SLC8A1: variants seen among roughly 807,000 people sequenced by gnomAD.
SLC8A1 encodes the protein solute carrier family 8 member A1.
SLC8A1 carries 18 observed loss-of-function variants against 68.3 expected under a neutral mutation model. That is an observed-to-expected ratio of 0.26 (90% CI 0.18 to 0.39). The LOEUF (loss-of-function observed/expected upper bound fraction) is 0.39, where lower values mean the gene tolerates loss of function less well. Among genes scored for constraint, SLC8A1 ranks in the 10% least tolerant of loss-of-function variants. SLC8A1 has a pLI of 1.00. For missense variants in SLC8A1, 985 were observed against 1,156.7 expected (o/e 0.85, Z 2.15); for synonymous variants, 475 against 415.5 (o/e 1.14, Z -1.74).
rs1558722544 is a variant in SLC8A1 at position 40,200,224 on chromosome 2, T to TATATATAAA, written c.1809-22370_1809-22369insTTTATATAT. On this transcript the variant is annotated intron_variant, in intron 2 of 7. Transcript: ENST00000406785. ...TATATATAAATATATATATATTTTT[T>TATATATAAA]TATATATATATATAAATATATATAT... Among the ~76,000 whole-genome samples, 32 of 4,546 alleles carry TATATATAAA rather than the reference T, an allele frequency of 7.0e-3. 2 individuals carry two copies. The highest frequency in any genetic ancestry group is 0.012 in the African/African-American group (22 of 1,896). The allele number at this position is 4,546 out of a possible 152,430, so 3.0% of individuals were successfully genotyped here.
intron 2 of SLC8A1, among the ~76,000 whole-genome samples, chr2:40,377,198 T>A (rs1680180917): frequency 2.6e-5 from 4 of 151,996 alleles, no homozygotes; most frequent in Admixed American, 2.6e-4. Flanking sequence ...AGGGCTTCAC[T>A]GAAAGAAGAA....
At position 40,414,890 on chromosome 2, in the gene SLC8A1, T is replaced by G. The variant is rs116744321; in HGVS notation, c.1808+13583A>C. Among the ~76,000 whole-genome samples the G allele has an allele frequency of 9.6e-4, 146 of 152,286 alleles. 1 individual carries two copies. Among genetic ancestry groups the G allele is most frequent in the African/African-American group, 3.4e-3 (142 of 41,572 alleles). On this transcript the variant is annotated intron_variant, in intron 2 of 7. Coordinates refer to ENST00000406785, the Ensembl canonical transcript of SLC8A1. ...AAATAAAGAAGACAATGATGTATAT[T>G]TATAAGACAATAGGTATCAACCAGA...
At chr2:40,272,465 CT>C (rs2066167000) in intron 2 of SLC8A1, among the ~76,000 whole-genome samples, 1 of 152,178 alleles carries the variant, frequency 6.6e-6, no homozygotes, top group Non-Finnish European at 1.5e-5. Flanking sequence ...ATGAAAGCCC[CT>C]TAGAGTAATA....
intron 2 of SLC8A1, among the ~76,000 whole-genome samples, chr2:40,349,600 G>A (rs187400123): frequency 7.8e-4 from 119 of 152,246 alleles, no homozygotes; most frequent in Admixed American, 1.1e-3. Flanking sequence ...GTTATTGTGA[G>A]GCTGGAAGGA....
chr2:40,507,506 T>C (rs1279810597), intron 1 of SLC8A1, among the ~76,000 whole-genome samples: 2 of 152,092 alleles, frequency 1.3e-5, no homozygotes, highest in Non-Finnish European at 2.9e-5. Flanking sequence ...ATAATAATAT[T>C]ATTTTGCTCT....
At chr2:40,362,890 T>C (rs115998226) in intron 2 of SLC8A1, among the ~76,000 whole-genome samples, 1,909 of 152,226 alleles carry the variant, frequency 0.013, 43 homozygotes, top group African/African-American at 0.044. Context: ...CAGAGTGACC[T>C]AGAACTCAAA....
chr2:40,200,245 T>TATATATAA (rs2054060213), intron 2 of SLC8A1, among the ~76,000 whole-genome samples: 4 of 16,844 alleles, frequency 2.4e-4, no homozygotes, highest in Non-Finnish European at 7.2e-4. Flanking sequence ...TATAAATATA[T>TATATATAA]ATATATATAT....
intron 1 of SLC8A1, among the ~76,000 whole-genome samples, chr2:40,493,336 G>A (rs1163658891): frequency 1.5e-5 from 2 of 131,024 alleles, no homozygotes; most frequent in Non-Finnish European, 3.2e-5. Flanking sequence ...CACTCTCTGG[G>A]GACTGTTGTG....
chr2:40,207,892 C>A (rs1372600662), intron 2 of SLC8A1, among the ~76,000 whole-genome samples: 1 of 152,010 alleles, frequency 6.6e-6, no homozygotes, highest in Non-Finnish European at 1.5e-5. Context: ...AAATAAGGCA[C>A]CAAAATATGT....
At chr2:40,436,823 A>G (rs556244751) in intron 1 of SLC8A1, among the ~76,000 whole-genome samples, 1 of 152,252 alleles carries the variant, frequency 6.6e-6, no homozygotes, top group Admixed American at 6.5e-5. Context: ...AAAATAAATA[A>G]AAAAGAATGT....
At chr2:40,271,804 T>C (rs1406041316) in intron 2 of SLC8A1, among the ~76,000 whole-genome samples, 3 of 152,340 alleles carry the variant, frequency 2.0e-5, no homozygotes, top group African/African-American at 4.8e-5. Context: ...GTCCCACGGA[T>C]TGACTCATTT....
chr2:40,346,520 G>A (rs1210065807), intron 2 of SLC8A1, among the ~76,000 whole-genome samples: 3 of 152,088 alleles, frequency 2.0e-5, no homozygotes, highest in African/African-American at 4.8e-5. Flanking sequence ...CCATGCCGCC[G>A]TCAGAGTTAT....
In SLC8A1 at chr2:40,355,929, C is replaced by G. The variant is rs563320076; in HGVS notation, c.1808+72544G>C. Among the ~76,000 whole-genome samples the G allele has an allele frequency of 4.6e-5, 7 of 152,288 alleles. No homozygotes were observed. The South Asian group carries it at 1.0e-3, about 23-fold the overall frequency. On this transcript the variant is annotated intron_variant, in intron 2 of 7. Coordinates refer to ENST00000406785, the Ensembl canonical transcript of SLC8A1. ...ATTTGCTGGAAAGGTTGATGCTCTG[C>G]TTTGCCCCTTGGCCCCTTCAGGCAC...
At chr2:40,452,136 G>A (rs1213510065), upstream of SLC8A1, 7 of 88,346 alleles carry the variant, frequency 7.9e-5, no homozygotes, top group Non-Finnish European at 1.6e-4. Flanking sequence ...CGGAGGCCGG[G>A]AGGCTGGGAG....
intron 2 of SLC8A1, among the ~76,000 whole-genome samples, chr2:40,287,582 ATGTGTGTGTGTG>A (rs10522914): frequency 2.0e-4 from 25 of 127,480 alleles, no homozygotes; most frequent in African/African-American, 6.2e-4. Flanking sequence ...CAGAGGAATG[ATGTGTGTGTGTG>A]TGTGTGTGTG....
intron 2 of SLC8A1, among the ~76,000 whole-genome samples, chr2:40,279,980 C>G (rs1028863997): frequency 1.3e-5 from 2 of 152,188 alleles, no homozygotes; most frequent in African/African-American, 4.8e-5. Context: ...GATTAATATA[C>G]AATTGCATCT....
intron 1 of SLC8A1, among the ~76,000 whole-genome samples, chr2:40,478,955 A>C (rs1340070660): frequency 6.6e-6 from 1 of 152,086 alleles, no homozygotes; most frequent in East Asian, 1.9e-4. Flanking sequence ...TATTTTTAGT[A>C]GAGACGGGGT....
chr2:40,400,209 C>T (rs1382499427), intron 2 of SLC8A1, among the ~76,000 whole-genome samples: 1 of 152,158 alleles, frequency 6.6e-6, no homozygotes, highest in Non-Finnish European at 1.5e-5. Context: ...CGAATAAACC[C>T]CTTCCTTCTT....
chr2:40,102,246 C>T (rs1393843949), exon 8 of SLC8A1: 3 of 152,018 alleles, frequency 2.0e-5, no homozygotes, highest in African/African-American at 4.8e-5. Flanking sequence ...TTAGTAATAG[C>T]GTTAAAATGA....
Sources: allele counts gnomAD v4.1 joint callset (sites outside exome capture counted in the v4.1 genomes callset), GRCh38; gene constraint gnomAD v4.1.1; transcripts MANE v1.5; gene names NCBI Gene and HGNC (gene_info 2026-07-23, HGNC 2026-07-21).